The following PTPRN2 variants were observed in gnomAD, a reference collection of about 807,000 sequenced individuals.
The protein encoded by PTPRN2 is receptor-type tyrosine-protein phosphatase N2.
PTPRN2 carries 74 observed loss-of-function variants against 118.8 expected under a neutral mutation model. The ratio of observed to expected loss-of-function variants is 0.62; its 90% CI spans 0.52 to 0.76. PTPRN2 has a LOEUF of 0.76. Ranked by LOEUF, PTPRN2 falls within the 30% of genes least tolerant of loss-of-function variation. The probability of loss-of-function intolerance (pLI) is 0.00; values close to 1 mark genes in which losing one functional copy is unlikely to be tolerated. For synonymous variants in PTPRN2, 641 were observed against 608.0 expected, an observed-to-expected ratio of 1.05 and a Z score of -0.80; for missense variants, 1,481 against 1,394.4, an observed-to-expected ratio of 1.06 and a Z score of -0.99.
rs1803871872 is a variant in PTPRN2, at chr7:157,987,255, G to A, written c.1724-88518C>T. Among the ~76,000 whole-genome samples, 1 of 151,952 alleles carries A rather than the reference G, an allele frequency of 6.6e-6. No homozygotes were observed. Among genetic ancestry groups the A allele is most frequent in the African/African-American group, 2.4e-5 (1 of 41,324 alleles). On this transcript the variant is annotated intron_variant, in intron 11 of 22. Coordinates refer to ENST00000389418, the MANE Select transcript of PTPRN2 (RefSeq NM_002847.5). The surrounding 1 kb of genome is among the most constrained non-coding windows in gnomAD (Gnocchi z 4.3). ...TCTTCCTCCCTTAAGGTAAGGTGCTGTGTGGAGCTTACTGGAACCTAAACG... is the reference window on the plus strand; with the variant it reads ...TCTTCCTCCCTTAAGGTAAGGTGCTATGTGGAGCTTACTGGAACCTAAACG...
intron 12 of PTPRN2, among the ~76,000 whole-genome samples, chr7:157,741,700 AG>A (rs1307630833): frequency 6.6e-6 from 1 of 152,150 alleles, no homozygotes; most frequent in Non-Finnish European, 1.5e-5. Context: ...TGAGGGAAGA[AG>A]GGGACAACTG....
intron 6 of PTPRN2, among the ~76,000 whole-genome samples, chr7:158,147,984 CA>C: frequency 1.9e-5 from 1 of 54,038 alleles, no homozygotes; most frequent in Non-Finnish European, 3.8e-5. Flanking sequence ...CCCTCAATGA[CA>C]CACCATCTCA....
intron 11 of PTPRN2, among the ~76,000 whole-genome samples, chr7:158,036,155 T>A (rs998563512): frequency 1.3e-5 from 2 of 152,036 alleles, no homozygotes; most frequent in Non-Finnish European, 2.9e-5. Context: ...GGCATAACAA[T>A]AACATATACG....
At chr7:157,747,509 G>A (rs1219728458) in intron 12 of PTPRN2, among the ~76,000 whole-genome samples, 1 of 107,380 alleles carries the variant, frequency 9.3e-6, no homozygotes, top group Non-Finnish European at 1.8e-5. Flanking sequence ...CTGAGCTGTG[G>A]GGTGTGCGGG....
At chr7:157,562,617 C>T (rs532343834) in intron 21 of PTPRN2, among the ~76,000 whole-genome samples, 40 of 152,174 alleles carry the variant, frequency 2.6e-4, no homozygotes, top group Non-Finnish European at 1.9e-4. Context: ...CCACAAAACA[C>T]GATTCGACAA....
intron 12 of PTPRN2, among the ~76,000 whole-genome samples, chr7:157,877,240 C>G (rs369252109): frequency 9.7e-4 from 146 of 149,826 alleles, no homozygotes; most frequent in African/African-American, 3.4e-3. Context: ...GACCCCGGGT[C>G]CGAGTGCCAC....
intron 12 of PTPRN2, among the ~76,000 whole-genome samples, chr7:157,800,462 A>G (rs1003738748): frequency 1.3e-5 from 2 of 152,000 alleles, no homozygotes; most frequent in Non-Finnish European, 2.9e-5. Flanking sequence ...AAGCGACTCA[A>G]CGACCCTCTG....
chr7:158,110,080 C>T (rs1816098102), intron 10 of PTPRN2, among the ~76,000 whole-genome samples: 1 of 152,318 alleles, frequency 6.6e-6, no homozygotes, highest in African/African-American at 2.4e-5. Flanking sequence ...AGGCACCCCT[C>T]GGTCCACAGG....
rs555641300 is a variant in PTPRN2, at chr7:157,613,243, C to T, written c.2344+8119G>A. ...CGTTTTCTGGGCTAAGCAGCGACGG[C>T]GCTAGGCGACTCCGCTTGTCCTTCG... On this transcript the variant is annotated intron_variant, in intron 15 of 22. Transcript: ENST00000389418. Among the ~76,000 whole-genome samples the T allele has an allele frequency of 4.4e-4, 67 of 152,384 alleles. No individual in the cohort carries two copies. In the South Asian group the frequency reaches 0.014, roughly 31 times the overall value.
chr7:158,441,001 TG>T (rs957975980), intron 2 of PTPRN2, among the ~76,000 whole-genome samples: 15 of 143,396 alleles, frequency 1.0e-4, no homozygotes, highest in East Asian at 6.1e-4. Flanking sequence ...ATGGCAGTGA[TG>T]GGGGTGGTGG....
intron 1 of PTPRN2, among the ~76,000 whole-genome samples, chr7:158,494,621 G>C (rs569354785): frequency 6.6e-6 from 1 of 152,196 alleles, no homozygotes; most frequent in Non-Finnish European, 1.5e-5. Context: ...GGGGCTCACT[G>C]AAGACCCTGC....
chr7:158,265,808 C>T (rs1797833375), intron 3 of PTPRN2, among the ~76,000 whole-genome samples: 1 of 152,232 alleles, frequency 6.6e-6, no homozygotes, highest in Non-Finnish European at 1.5e-5. Flanking sequence ...GGCCGCCTGG[C>T]TCCCCATCAG....
intron 1 of PTPRN2, among the ~76,000 whole-genome samples, chr7:158,510,303 C>T (rs939189251): frequency 6.6e-6 from 1 of 152,194 alleles, no homozygotes; most frequent in Non-Finnish European, 1.5e-5. Flanking sequence ...CAGGGTGCTC[C>T]GAGGAAACAT....
At chr7:157,783,637 T>G (rs1384723664) in intron 12 of PTPRN2, among the ~76,000 whole-genome samples, 1 of 151,430 alleles carries the variant, frequency 6.6e-6, no homozygotes, top group Admixed American at 6.6e-5. Flanking sequence ...AGTATGGCAG[T>G]AAACAAGATT....
At chr7:158,173,881 T>C (rs772901354) in intron 5 of PTPRN2, among the ~76,000 whole-genome samples, 1 of 152,244 alleles carries the variant, frequency 6.6e-6, no homozygotes, top group Non-Finnish European at 1.5e-5. Flanking sequence ...GACCTTAATG[T>C]TATCTTCCCT....
intron 11 of PTPRN2, among the ~76,000 whole-genome samples, chr7:158,057,777 C>T (rs781620406): frequency 7.4e-4 from 112 of 152,204 alleles, no homozygotes; most frequent in Admixed American, 1.5e-3. Flanking sequence ...CCCTCATCTG[C>T]CCCCATCTGC....
intron 2 of PTPRN2, among the ~76,000 whole-genome samples, chr7:158,352,634 A>G (rs1808091645): frequency 1.3e-5 from 2 of 152,164 alleles, no homozygotes; most frequent in African/African-American, 4.8e-5. Flanking sequence ...GGCCCCACAC[A>G]TTTCAGAGAG....
intron 12 of PTPRN2, among the ~76,000 whole-genome samples, chr7:157,745,868 G>C (rs1007494340): frequency 6.6e-6 from 1 of 152,090 alleles, no homozygotes; most frequent in African/African-American, 2.4e-5. Flanking sequence ...TCTGGCTGCA[G>C]GATGCACTCA....
intron 6 of PTPRN2, among the ~76,000 whole-genome samples, chr7:158,139,474 G>A (rs989660351): frequency 3.3e-5 from 5 of 151,900 alleles, no homozygotes; most frequent in African/African-American, 7.3e-5. Flanking sequence ...CATCCAAGCC[G>A]TCGGAGTCAG....
Sources: allele counts gnomAD v4.1 joint callset (sites outside exome capture counted in the v4.1 genomes callset), GRCh38; gene constraint gnomAD v4.1.1; non-coding constraint Gnocchi (gnomAD v3.1); transcripts MANE v1.5; gene names NCBI Gene and HGNC (gene_info 2026-07-23, HGNC 2026-07-21).